ARL15: variants seen among roughly 807,000 people sequenced by gnomAD.
The protein encoded by ARL15 is ADP-ribosylation factor-like protein 15.
In ARL15, 19 loss-of-function variants were observed where a neutral mutation model predicts 25.2. That is an observed-to-expected ratio of 0.75 (90% CI 0.53 to 1.10). The LOEUF is 1.10. Among genes scored for constraint, ARL15 ranks in the 50% least tolerant of loss-of-function variants. The pLI, the probability that ARL15 is intolerant of heterozygous loss-of-function variation, is 0.00. For synonymous variants in ARL15, 94 were observed against 86.8 expected (o/e 1.08, Z -0.46); for missense variants, 220 against 246.0 (o/e 0.89, Z 0.71).
At chr5:54,201,222 C>T (rs1755713895) in intron 1 of ARL15, among the ~76,000 whole-genome samples, 1 of 151,978 alleles carries the variant, frequency 6.6e-6, no homozygotes, top group Non-Finnish European at 1.5e-5. Context: ...GCACCTCTTT[C>T]CATCTTTCTC....
intron 3 of ARL15, among the ~76,000 whole-genome samples, chr5:54,144,739 C>T (rs1252115687): frequency 6.6e-6 from 1 of 152,130 alleles, no homozygotes; most frequent in Non-Finnish European, 1.5e-5. Context: ...GGCTTGTCTC[C>T]TGTGTGGGTG....
intron 4 of ARL15, among the ~76,000 whole-genome samples, chr5:54,061,420 A>G (rs1021822748): frequency 1.3e-5 from 2 of 151,814 alleles, no homozygotes; most frequent in African/African-American, 4.8e-5. Flanking sequence ...GACCAGCCTG[A>G]CTACCATAGT....
chr5:54,189,945 T>G (rs1755348473), intron 1 of ARL15, among the ~76,000 whole-genome samples: 1 of 152,178 alleles, frequency 6.6e-6, no homozygotes, highest in African/African-American at 2.4e-5. Flanking sequence ...GTCTGGAATA[T>G]GTAGACAACT....
intron 4 of ARL15, among the ~76,000 whole-genome samples, chr5:53,949,253 G>A (rs1429225013): frequency 4.6e-5 from 7 of 152,074 alleles, no homozygotes; most frequent in African/African-American, 1.7e-4. Flanking sequence ...TTATAGACTA[G>A]CTTTGTAACC....
intron 4 of ARL15, among the ~76,000 whole-genome samples, chr5:54,053,484 GA>G (rs1262497898): frequency 4.6e-5 from 7 of 151,022 alleles, no homozygotes; most frequent in South Asian, 4.2e-4. Context: ...AGTAGAGTAT[GA>G]AAAAAGAAAA....
At chr5:54,270,906 G>T (rs1178461606) in intron 1 of ARL15, among the ~76,000 whole-genome samples, 1 of 152,152 alleles carries the variant, frequency 6.6e-6, no homozygotes, top group Non-Finnish European at 1.5e-5. Flanking sequence ...CCTCAATGTG[G>T]GCAGGCACCA....
intron 4 of ARL15, among the ~76,000 whole-genome samples, chr5:54,024,176 C>G (rs1441561401): frequency 2.0e-5 from 3 of 152,118 alleles, no homozygotes; most frequent in Non-Finnish European, 4.4e-5. Flanking sequence ...GCCCTTGGCC[C>G]CTACGATACA....
chr5:54,090,609 T>C (rs1752100335), intron 4 of ARL15, among the ~76,000 whole-genome samples: 3 of 151,452 alleles, frequency 2.0e-5, no homozygotes, highest in Admixed American at 1.3e-4. Context: ...TTAAACTACA[T>C]ACACATGTTC....
chr5:54,221,189 G>A, intron 1 of ARL15, among the ~76,000 whole-genome samples: 1 of 152,120 alleles, frequency 6.6e-6, no homozygotes, highest in East Asian at 1.9e-4. Context: ...TTGTATGTTA[G>A]GACTCAAAAT....
intron 4 of ARL15, among the ~76,000 whole-genome samples, chr5:53,958,757 T>C (rs1467837583): frequency 2.0e-5 from 3 of 152,128 alleles, no homozygotes; most frequent in African/African-American, 7.2e-5. Flanking sequence ...CAAAAAACAG[T>C]TGGTGTGACT....
chr5:54,235,679 C>T (rs918685886), intron 1 of ARL15, among the ~76,000 whole-genome samples: 2 of 152,016 alleles, frequency 1.3e-5, no homozygotes, highest in African/African-American at 2.4e-5. Context: ...AACATGTTGC[C>T]CAGGCTGGTC....
chr5:53,940,257 A>G (rs578043932), intron 4 of ARL15, among the ~76,000 whole-genome samples: 6 of 151,556 alleles, frequency 4.0e-5, no homozygotes, highest in South Asian at 2.1e-4. Context: ...ACAGGCGTGA[A>G]CCACCGCGCC....
intron 4 of ARL15, among the ~76,000 whole-genome samples, chr5:54,045,763 C>T (rs953573383): frequency 2.0e-5 from 3 of 152,152 alleles, no homozygotes; most frequent in Non-Finnish European, 1.5e-5. Flanking sequence ...TTAGCATTTA[C>T]CCCCCAGTCA....
chr5:54,270,168 A>G lies in ARL15; in HGVS notation c.48+40264T>C, dbSNP rs150193822. On this transcript the variant is annotated intron_variant, in intron 1 of 4. Coordinates refer to ENST00000504924, the MANE Select transcript of ARL15 (RefSeq NM_019087.3). Reference sequence around the variant, plus strand: ...TATCAATATTTTTAAAGATCAGCTGACAATTTGAGTATATTTTGTTTTATT... The same window carrying G: ...TATCAATATTTTTAAAGATCAGCTGGCAATTTGAGTATATTTTGTTTTATT... Among the ~76,000 whole-genome samples, 953 of 152,354 alleles carry G rather than the reference A, an allele frequency of 6.3e-3. 7 individuals are homozygous for G. The highest frequency in any genetic ancestry group is 0.022 in the African/African-American group (912 of 41,566).
At chr5:54,017,683 T>C (rs747977877) in intron 4 of ARL15, among the ~76,000 whole-genome samples, 1 of 149,536 alleles carries the variant, frequency 6.7e-6, no homozygotes, top group Non-Finnish European at 1.5e-5. Context: ...GCTAGAAAAA[T>C]GAGCCAGAGG....
intron 4 of ARL15, among the ~76,000 whole-genome samples, chr5:54,087,994 G>A (rs1752026091): frequency 6.6e-6 from 1 of 152,136 alleles, no homozygotes; most frequent in South Asian, 2.1e-4. Context: ...ATATTAATAA[G>A]CATAACCAGG....
chr5:54,161,448 A>G (rs888019958), intron 2 of ARL15, among the ~76,000 whole-genome samples: 1 of 152,240 alleles, frequency 6.6e-6, no homozygotes, highest in Non-Finnish European at 1.5e-5. Context: ...CAATGCCACT[A>G]CAATCTTACC....
chr5:54,199,074 T>G (rs1393149365), intron 1 of ARL15, among the ~76,000 whole-genome samples: 1 of 151,940 alleles, frequency 6.6e-6, no homozygotes, highest in Non-Finnish European at 1.5e-5. Flanking sequence ...TAAATGGTGC[T>G]GGGAAAACTG....
intron 1 of ARL15, among the ~76,000 whole-genome samples, chr5:54,236,745 A>G (rs1230407120): frequency 4.0e-5 from 6 of 151,768 alleles, no homozygotes; most frequent in African/African-American, 1.5e-4. Flanking sequence ...CTTTTCTTCA[A>G]GTAATTAAAA....
Sources: allele counts gnomAD v4.1 joint callset (sites outside exome capture counted in the v4.1 genomes callset), GRCh38; gene constraint gnomAD v4.1.1; transcripts MANE v1.5; gene names NCBI Gene and HGNC (gene_info 2026-07-23, HGNC 2026-07-21).